SERINC5: variants seen among roughly 807,000 people sequenced by gnomAD.
The protein encoded by SERINC5 is serine incorporator 5.
Under a neutral mutation model 63.1 loss-of-function variants are expected in SERINC5, and 41 were observed. That is an observed-to-expected ratio of 0.65 (90% CI 0.51 to 0.84). SERINC5 has a LOEUF of 0.84. Among genes scored for constraint, SERINC5 ranks in the 40% least tolerant of loss-of-function variants. The probability of loss-of-function intolerance (pLI) is 0.00; values close to 1 mark genes in which losing one functional copy is unlikely to be tolerated. For synonymous variants in SERINC5, 222 were observed against 215.2 expected (o/e 1.03, Z -0.28); for missense variants, 523 against 573.0 (o/e 0.91, Z 0.89).
intron 1 of SERINC5, among the ~76,000 whole-genome samples, chr5:80,220,714 G>C (rs1413051142): frequency 6.6e-6 from 1 of 152,116 alleles, no homozygotes; most frequent in Non-Finnish European, 1.5e-5. Context: ...TCCATGGAGA[G>C]AAAGGAATCT....
intron 1 of SERINC5, among the ~76,000 whole-genome samples, chr5:80,229,447 C>T (rs1278045146): frequency 6.9e-6 from 1 of 144,524 alleles, no homozygotes; most frequent in Non-Finnish European, 1.5e-5. Context: ...TATTGAGTAA[C>T]TAAAAGTGAT....
downstream of SERINC5, among the ~76,000 whole-genome samples, chr5:80,133,914 GC>G (rs1467823182): frequency 1.3e-5 from 2 of 152,206 alleles, no homozygotes; most frequent in African/African-American, 4.8e-5. Context: ...GTCCTCTGGT[GC>G]TGAGTCAGTT....
At chr5:80,203,969 G>C (rs894210550) in intron 1 of SERINC5, among the ~76,000 whole-genome samples, 4 of 152,120 alleles carry the variant, frequency 2.6e-5, no homozygotes, top group African/African-American at 9.7e-5. Flanking sequence ...GTACATAATA[G>C]TGCCTCCATA....
chr5:80,204,484 C>T (rs1156517586), intron 1 of SERINC5, among the ~76,000 whole-genome samples: 1 of 152,212 alleles, frequency 6.6e-6, no homozygotes, highest in Non-Finnish European at 1.5e-5. Flanking sequence ...GATGAACATT[C>T]TTCCCAGGTA....
At chr5:80,164,910 G>GTTTTTTTTTTTTTTTTTT (rs70982026) in intron 7 of SERINC5, among the ~76,000 whole-genome samples, 4 of 85,190 alleles carry the variant, frequency 4.7e-5, no homozygotes, top group Admixed American at 1.7e-4. Flanking sequence ...CTTTTTTTCT[G>GTTTTTTTTTTTTTTTTTT]TTTTTTTTTT....
Position 80,139,594 on chromosome 5 carries a change from A to AGAGAGAG in SERINC5, c.*4068_*4069insCTCTCTC. 2.1e-5 allele frequency: 11 copies of AGAGAGAG among 514,930 alleles called. No individual in the cohort carries two copies. The African/African-American group carries it at 5.8e-4, about 27-fold the overall frequency. The allele number at this position is 514,930 out of a possible 1,614,324, so 31.9% of individuals were successfully genotyped here. On this transcript the variant is annotated 3_prime_UTR_variant, in exon 12 of 12. Transcript: ENST00000507668. Reference sequence around the variant, plus strand: ...TGTGAAAGAGTTGTTGAGAAAGAAGAAAAGAGAGAGAGAGAGAAAGGTCTA... The same window carrying AGAGAGAG: ...TGTGAAAGAGTTGTTGAGAAAGAAGAGAGAGAGAAAGAGAGAGAGAGAGAAAGGTCTA...
chr5:80,205,959 C>A (rs1232607323), intron 1 of SERINC5, among the ~76,000 whole-genome samples: 1 of 108,606 alleles, frequency 9.2e-6, no homozygotes, highest in Non-Finnish European at 1.9e-5. Flanking sequence ...AAATATTAGC[C>A]GGGTGTGGTG....
At chr5:80,211,475 C>T (rs1018853797) in intron 1 of SERINC5, among the ~76,000 whole-genome samples, 2 of 152,186 alleles carry the variant, frequency 1.3e-5, no homozygotes, top group Non-Finnish European at 2.9e-5. Context: ...TCATCTATAA[C>T]CACATGAACT....
intron 1 of SERINC5, among the ~76,000 whole-genome samples, chr5:80,226,930 T>C (rs984200459): frequency 6.6e-6 from 1 of 152,198 alleles, no homozygotes; most frequent in African/African-American, 2.4e-5. Context: ...AGTCTGGCTC[T>C]GTTGCCCAGA....
At chr5:80,197,457 G>A (rs1463331430) in intron 2 of SERINC5, among the ~76,000 whole-genome samples, 7 of 152,058 alleles carry the variant, frequency 4.6e-5, no homozygotes, top group Non-Finnish European at 1.0e-4. Context: ...TAGATTAGTG[G>A]CTGCCTAGGG....
At chr5:80,198,069 A>C (rs1277044989) in intron 2 of SERINC5, among the ~76,000 whole-genome samples, 3 of 151,676 alleles carry the variant, frequency 2.0e-5, no homozygotes, top group Non-Finnish European at 4.4e-5. Flanking sequence ...GGATCTCTTG[A>C]CCTTGTGATC....
Position 80,140,305 on chromosome 5 carries a change from C to CAA in SERINC5, c.*3356_*3357dup, listed in dbSNP as rs55718546. 237 of 478,130 alleles carry CAA rather than the reference C, an allele frequency of 5.0e-4. No individual in the cohort carries two copies. Among genetic ancestry groups the CAA allele is most frequent in the African/African-American group, 2.2e-3 (46 of 21,138 alleles). 29.6% of individuals were successfully genotyped at this position (478,130 alleles called of 1,614,324 possible). A position where few individuals can be genotyped will look rare whatever the true frequency, so the allele number is the denominator to read the frequency against. On this transcript the variant is annotated 3_prime_UTR_variant, in exon 12 of 12. Coordinates refer to ENST00000507668, the MANE Select transcript of SERINC5 (RefSeq NM_001174072.3). ...GTGGCTGACAGAGTGAGCCCGTCTCCAAAAAAAAAAAAAAAAAAAAAAAAA... is the reference window on the plus strand; with the variant it reads ...GTGGCTGACAGAGTGAGCCCGTCTCCAAAAAAAAAAAAAAAAAAAAAAAAAAA...
At chr5:80,174,214 G>A (rs1024339863) in intron 5 of SERINC5, among the ~76,000 whole-genome samples, 3 of 151,672 alleles carry the variant, frequency 2.0e-5, no homozygotes, top group Admixed American at 2.0e-4. Flanking sequence ...AACAAAAAAA[G>A]AAATTAGCCA....
In SERINC5 at chr5:80,202,998, C is replaced by A; in HGVS notation, c.83G>T (p.Arg28Met). 6.2e-7 allele frequency: 1 copy of A among 1,613,232 alleles called. No individual in the cohort carries two copies. Among genetic ancestry groups the A allele is most frequent in the African/African-American group, 1.3e-5 (1 of 74,990 alleles). Residue 28 changes from arginine (R) to methionine (M), a missense_variant, in exon 2 of 12, where the codon AGG becomes ATG. Coordinates refer to ENST00000507668, the MANE Select transcript of SERINC5 (RefSeq NM_001174072.3). ...GCSLCCDCCP[R>M]IRQSLSTRFM... is the part of the protein sequence containing the mutation. Reference sequence around the variant, plus strand: ...GCGGGTGCTGAGGGACTGCCGAATCCTGGGGCAGCAATCACAGCAGAGAGA... The same window carrying A: ...GCGGGTGCTGAGGGACTGCCGAATCATGGGGCAGCAATCACAGCAGAGAGA...
At chr5:80,209,814 TG>T (rs1039472237) in intron 1 of SERINC5, among the ~76,000 whole-genome samples, 1 of 152,088 alleles carries the variant, frequency 6.6e-6, no homozygotes, top group Non-Finnish European at 1.5e-5. Context: ...CACCCAGCAC[TG>T]GGTAGGCGGA....
intron 2 of SERINC5, among the ~76,000 whole-genome samples, chr5:80,199,714 A>ATC (rs1749714978): frequency 6.6e-6 from 1 of 152,164 alleles, no homozygotes; most frequent in Non-Finnish European, 1.5e-5. Context: ...GTGGGATACT[A>ATC]TCTATTTGTT....
At chr5:80,118,296 C>T (rs937094960) in intron 11 of SERINC5, among the ~76,000 whole-genome samples, 25 of 152,282 alleles carry the variant, frequency 1.6e-4, no homozygotes, top group African/African-American at 5.5e-4. Context: ...TTAACATTTA[C>T]AGTTCTGGAA....
intron 2 of SERINC5, among the ~76,000 whole-genome samples, chr5:80,183,003 T>C (rs1748553083): frequency 6.6e-6 from 1 of 152,174 alleles, no homozygotes; most frequent in Non-Finnish European, 1.5e-5. Flanking sequence ...CATGCCAGAC[T>C]TAGCAGTCAG....
intron 8 of SERINC5, among the ~76,000 whole-genome samples, chr5:80,154,031 A>G (rs1292819242): frequency 1.3e-5 from 2 of 152,196 alleles, no homozygotes; most frequent in Non-Finnish European, 1.5e-5. Context: ...TGACAAACGT[A>G]CAGGGTAGGC....
Sources: allele counts gnomAD v4.1 joint callset (sites outside exome capture counted in the v4.1 genomes callset), GRCh38; gene constraint gnomAD v4.1.1; transcripts MANE v1.5; gene names NCBI Gene and HGNC (gene_info 2026-07-23, HGNC 2026-07-21).